The following PIGU variants were observed in gnomAD, a reference collection of about 807,000 sequenced individuals.
PIGU encodes the protein GPI-anchor transamidase component PIGU.
PIGU carries 24 observed loss-of-function variants against 49.9 expected under a neutral mutation model. The ratio of observed to expected loss-of-function variants is 0.48; its 90% CI spans 0.35 to 0.68. The LOEUF (loss-of-function observed/expected upper bound fraction) is 0.68. Among genes scored for constraint, PIGU ranks in the 30% least tolerant of loss-of-function variants. The pLI is 0.01. For missense variants in PIGU, 490 were observed against 532.6 expected (o/e 0.92, Z 0.79); for synonymous variants, 220 against 205.7 (o/e 1.07, Z -0.59).
At chr20:34,589,751 G>T (rs1207327479) in intron 7 of PIGU, among the ~76,000 whole-genome samples, 4 of 147,184 alleles carry the variant, frequency 2.7e-5, no homozygotes, top group Admixed American at 7.0e-5. Context: ...CACCTCCCGG[G>T]TTCAAGGGAT....
intron 7 of PIGU, among the ~76,000 whole-genome samples, chr20:34,598,678 A>G (rs572658689): frequency 1.5e-4 from 23 of 152,334 alleles, no homozygotes; most frequent in African/African-American, 5.5e-4. Context: ...TTCACTCATA[A>G]TAGAACTGAC....
At chr20:34,674,184 A>C (rs1333720428) in intron 1 of PIGU, among the ~76,000 whole-genome samples, 1 of 151,246 alleles carries the variant, frequency 6.6e-6, no homozygotes, top group Non-Finnish European at 1.5e-5. Context: ...GGTGAAACTT[A>C]TCTCTACTAA....
At chr20:34,563,547 G>A (rs180800994) in intron 11 of PIGU, among the ~76,000 whole-genome samples, 145 of 146,366 alleles carry the variant, frequency 9.9e-4, no homozygotes, top group African/African-American at 3.3e-3. Flanking sequence ...GCGAAACTGC[G>A]TCTCAAAAAG....
At chr20:34,596,755 G>A (rs951784119) in intron 7 of PIGU, among the ~76,000 whole-genome samples, 1 of 152,086 alleles carries the variant, frequency 6.6e-6, no homozygotes, top group Non-Finnish European at 1.5e-5. Flanking sequence ...CGTTTACATA[G>A]TTATTAAATA....
intron 2 of PIGU, among the ~76,000 whole-genome samples, chr20:34,650,049 C>T (rs947758370): frequency 4.7e-5 from 7 of 150,300 alleles, no homozygotes; most frequent in East Asian, 2.0e-4. Context: ...AGGGTTTCAC[C>T]GTGTTGGCCA....
chr20:34,580,545 T>C (rs1983415001), intron 10 of PIGU, among the ~76,000 whole-genome samples: 1 of 152,242 alleles, frequency 6.6e-6, no homozygotes, highest in African/African-American at 2.4e-5. Context: ...CACTCCCTAG[T>C]TCATTCTTGA....
intron 6 of PIGU, among the ~76,000 whole-genome samples, chr20:34,620,082 C>A (rs1394940561): frequency 6.6e-6 from 1 of 152,144 alleles, no homozygotes; most frequent in African/African-American, 2.4e-5. Context: ...TACAGAAGCA[C>A]CAAAGGAACC....
At chr20:34,669,377 T>TA (rs945351641) in intron 1 of PIGU, among the ~76,000 whole-genome samples, 1 of 151,942 alleles carries the variant, frequency 6.6e-6, no homozygotes, top group African/African-American at 2.4e-5. Context: ...AGTAAAAAGC[T>TA]AAAAAACAGG....
chr20:34,582,805 C>G (rs1012174009), intron 9 of PIGU, among the ~76,000 whole-genome samples: 5 of 152,166 alleles, frequency 3.3e-5, no homozygotes, highest in Non-Finnish European at 5.9e-5. Context: ...CTCTTAATCA[C>G]GCCCAATACC....
At chr20:34,613,012 G>A (rs1016895834) in intron 7 of PIGU, among the ~76,000 whole-genome samples, 1 of 152,150 alleles carries the variant, frequency 6.6e-6, no homozygotes. Context: ...AGGAAATGGA[G>A]TTTTAATTTC....
chr20:34,583,010 T>TA (rs1983548225), intron 9 of PIGU, among the ~76,000 whole-genome samples: 1 of 152,210 alleles, frequency 6.6e-6, no homozygotes, highest in African/African-American at 2.4e-5. Context: ...CCTAGATGCC[T>TA]AGCCCATGAA....
At chr20:34,635,873 CT>C (rs1985943858) in intron 5 of PIGU, among the ~76,000 whole-genome samples, 1 of 148,368 alleles carries the variant, frequency 6.7e-6, no homozygotes, top group Admixed American at 6.7e-5. Flanking sequence ...GAAGCTCAGT[CT>C]CAAAAAAAAA....
intron 6 of PIGU, among the ~76,000 whole-genome samples, chr20:34,628,242 G>C (rs1985568721): frequency 6.6e-6 from 1 of 152,104 alleles, no homozygotes; most frequent in African/African-American, 2.4e-5. Context: ...CAGCACTCAA[G>C]GAGGTAGAGG....
intron 6 of PIGU, among the ~76,000 whole-genome samples, chr20:34,628,576 C>T (rs566484379): frequency 1.3e-5 from 2 of 152,088 alleles, no homozygotes; most frequent in East Asian, 3.9e-4. Context: ...TAGAACTGGG[C>T]GCAGTGGCTC....
At chr20:34,660,935 G>A (rs1234306962) in intron 1 of PIGU, among the ~76,000 whole-genome samples, 1 of 152,130 alleles carries the variant, frequency 6.6e-6, no homozygotes, top group Non-Finnish European at 1.5e-5. Flanking sequence ...TTAGGTCATT[G>A]CACTATGGTG....
Position 34,656,175 on chromosome 20 carries a change from C to T in PIGU, c.195+1005G>A, listed in dbSNP as rs1348043447. On this transcript the variant is annotated intron_variant, in intron 2 of 11. Coordinates refer to ENST00000217446, the MANE Select transcript of PIGU (RefSeq NM_080476.5). ...GTTTAGTAGAGCTGGGGGTTTACCA[C>T]GTTGGCCAGGCTGGTCTTGAACTCC... Among the ~76,000 whole-genome samples the T allele has an allele frequency of 1.7e-5, 2 of 118,180 alleles. 1 individual carries two copies. Among genetic ancestry groups the T allele is most frequent in the African/African-American group, 6.3e-5 (2 of 31,944 alleles). 77.5% of individuals were successfully genotyped at this position (118,180 alleles called of 152,430 possible). A position where few individuals can be genotyped will look rare whatever the true frequency, so the allele number is the denominator to read the frequency against.
chr20:34,590,640 A>C (rs1202656577), intron 7 of PIGU, among the ~76,000 whole-genome samples: 3 of 151,996 alleles, frequency 2.0e-5, no homozygotes, highest in African/African-American at 7.3e-5. Flanking sequence ...ACATAACACA[A>C]CAACAAAATA....
At chr20:34,676,700 C>G (rs1423133743) in intron 1 of PIGU, among the ~76,000 whole-genome samples, 1 of 152,116 alleles carries the variant, frequency 6.6e-6, no homozygotes, top group East Asian at 1.9e-4. Context: ...ATGGGACACG[C>G]CCCCTCAGAT....
At chr20:34,622,773 A>G (rs1019685041) in intron 6 of PIGU, among the ~76,000 whole-genome samples, 1 of 152,180 alleles carries the variant, frequency 6.6e-6, no homozygotes, top group Non-Finnish European at 1.5e-5. Context: ...ACCATTTGCT[A>G]GGGCAGCCCA....
Sources: allele counts gnomAD v4.1 joint callset (sites outside exome capture counted in the v4.1 genomes callset), GRCh38; gene constraint gnomAD v4.1.1; transcripts MANE v1.5; gene names NCBI Gene and HGNC (gene_info 2026-07-23, HGNC 2026-07-21).